EPC2: variants seen among roughly 807,000 people sequenced by gnomAD.
EPC2 encodes the protein enhancer of polycomb homolog 2.
A neutral mutation model predicts 92.1 loss-of-function variants in EPC2; 14 were observed. The ratio of observed to expected loss-of-function variants is 0.15; its 90% CI spans 0.10 to 0.24. The LOEUF is 0.24. EPC2 is among the 10% of genes least tolerant of loss of function. EPC2 has a pLI of 1.00. For synonymous variants in EPC2, 340 were observed against 334.7 expected (o/e 1.02, Z -0.17); for missense variants, 755 against 971.5 (o/e 0.78, Z 2.96).
At chr2:148,778,346 C>G (rs989958867) in intron 10 of EPC2, among the ~76,000 whole-genome samples, 1 of 152,180 alleles carries the variant, frequency 6.6e-6, no homozygotes, top group African/African-American at 2.4e-5. Flanking sequence ...GGGTCTCTAT[C>G]TTGTATCTCA....
chr2:148,694,083 GAAATT>G (rs1272927251), intron 2 of EPC2, among the ~76,000 whole-genome samples: 1 of 152,174 alleles, frequency 6.6e-6, no homozygotes, highest in African/African-American at 2.4e-5. Context: ...AAGAATTAAT[GAAATT>G]AAAAGCATAT....
intron 2 of EPC2, among the ~76,000 whole-genome samples, chr2:148,736,906 C>T (rs1682768698): frequency 1.3e-5 from 2 of 151,544 alleles, no homozygotes; most frequent in African/African-American, 4.9e-5. Context: ...TCAAAAGCAG[C>T]CTGGGGAACA....
intron 1 of EPC2, among the ~76,000 whole-genome samples, chr2:148,673,908 A>G (rs943497742): frequency 3.3e-5 from 5 of 152,216 alleles, no homozygotes; most frequent in Non-Finnish European, 7.4e-5. Flanking sequence ...TTACTTGTCT[A>G]TCATTGTTCT....
chr2:148,661,337 T>A (rs1413449925), intron 1 of EPC2, among the ~76,000 whole-genome samples: 1 of 152,170 alleles, frequency 6.6e-6, no homozygotes, highest in Non-Finnish European at 1.5e-5. Context: ...TTATACCTTA[T>A]AACTTGTTAA....
rs187853394 is a variant in EPC2, at chr2:148,749,649, T to A, written c.460-4278T>A. ...GGGAGAGGGTGCCTCTTGTATTTTT[T>A]AATTTAGTATGTAGCATGTTGAAAT... is the stretch of plus-strand genomic sequence containing the variant. On this transcript the variant is annotated intron_variant, in intron 3 of 13. Transcript: ENST00000258484. Among the ~76,000 whole-genome samples, 731 of 152,204 alleles carry A rather than the reference T, an allele frequency of 4.8e-3. 11 individuals are homozygous for A. Among genetic ancestry groups the A allele is most frequent in the Admixed American group, 4.0e-3 (61 of 15,274 alleles).
chr2:148,776,856 C>CTCTCTCT (rs1247135854), intron 10 of EPC2, among the ~76,000 whole-genome samples: 1 of 101,042 alleles, frequency 9.9e-6, no homozygotes, highest in African/African-American at 3.7e-5. Context: ...GTCTCTCTCT[C>CTCTCTCT]TTTTTTTTTT....
chr2:148,666,055 T>C (rs1456724508), intron 1 of EPC2, among the ~76,000 whole-genome samples: 4 of 152,224 alleles, frequency 2.6e-5, no homozygotes, highest in Admixed American at 2.6e-4. Context: ...ATTTAGAATA[T>C]TAGTGAATTG....
In EPC2 at chr2:148,764,958, C is replaced by A; in HGVS notation, c.952C>A (p.Pro318Thr). 1 of 1,536,016 alleles carries A rather than the reference C, an allele frequency of 6.5e-7. No individual in the cohort carries two copies. Among genetic ancestry groups the A allele is most frequent in the Non-Finnish European group, 8.8e-7 (1 of 1,142,192 alleles). ...GGAAAAATCGTCATGTAAACAGCAC[C>A]CTCATCATTTGTCTTTGAAAGAAGA... ...HKVQECKTKH[P>T]HHLSLKEEAS... Residue 318 changes from proline (P) to threonine (T), a missense_variant, in exon 7 of 14, where the codon CCT becomes ACT. Physicochemically the swap from Pro to Thr is conservative, Grantham distance 38. This residue lies in a region of EPC2 where 509 missense variants were observed against 607.7 expected (regional missense o/e 0.84). Transcript: ENST00000258484.
At chr2:148,667,695 G>C (rs1246590921) in intron 1 of EPC2, among the ~76,000 whole-genome samples, 1 of 152,112 alleles carries the variant, frequency 6.6e-6, no homozygotes, top group Non-Finnish European at 1.5e-5. Context: ...ATATTGAATA[G>C]AACAGTTGAG....
intron 2 of EPC2, among the ~76,000 whole-genome samples, chr2:148,738,123 A>AAC (rs1682803912): frequency 6.6e-6 from 1 of 151,890 alleles, no homozygotes; most frequent in Non-Finnish European, 1.5e-5. Flanking sequence ...ATGCCATTTG[A>AAC]AACAACAACA....
intron 2 of EPC2, among the ~76,000 whole-genome samples, chr2:148,714,459 C>A (rs1682216994): frequency 6.6e-6 from 1 of 152,184 alleles, no homozygotes. Context: ...AATGGTATTT[C>A]TGCCTCTAGG....
chr2:148,711,798 A>G (rs562873776), intron 2 of EPC2, among the ~76,000 whole-genome samples: 1 of 152,294 alleles, frequency 6.6e-6, no homozygotes, highest in South Asian at 2.1e-4. Context: ...GGATTGTTAT[A>G]TCTTCTTGGA....
intron 2 of EPC2, among the ~76,000 whole-genome samples, chr2:148,710,241 T>A (rs1243009696): frequency 1.3e-5 from 2 of 152,148 alleles, no homozygotes; most frequent in African/African-American, 4.8e-5. Context: ...AACAGACACA[T>A]GAGAAAATGC....
At chr2:148,646,690 T>C (rs1317870012) in intron 1 of EPC2, among the ~76,000 whole-genome samples, 1 of 152,076 alleles carries the variant, frequency 6.6e-6, no homozygotes, top group Non-Finnish European at 1.5e-5. Context: ...GTTAATTACA[T>C]TGAACCCTAA....
At chr2:148,767,651 TAAGAG>T (rs1415616184) in intron 7 of EPC2, among the ~76,000 whole-genome samples, 1 of 152,196 alleles carries the variant, frequency 6.6e-6, no homozygotes, top group Non-Finnish European at 1.5e-5. Context: ...TAGGGAGCCT[TAAGAG>T]AACAAACATT....
chr2:148,770,814 A>G lies in EPC2; in HGVS notation c.1253A>G (p.His418Arg). ...CAGCCTCGTTTGGACCAAGCTAACC[A>G]TTCATGTGAAAATTCAGAATTGGCA... Reference protein sequence around the residue: ...YYAPRLDQANHSCENSELADL... With the variant: ...YYAPRLDQANRSCENSELADL... The change falls in exon 9 of 14, where the codon CAT becomes CGT. Residue 418 changes from histidine to arginine, a missense_variant. His to Arg is a conservative substitution (Grantham distance 29, BLOSUM62 0). Transcript: ENST00000258484. 6.2e-7 allele frequency: 1 copy of G among 1,613,034 alleles called. No homozygotes were observed.
chr2:148,735,809 G>T (rs1326614595), intron 2 of EPC2, among the ~76,000 whole-genome samples: 4 of 150,710 alleles, frequency 2.7e-5, no homozygotes, highest in Non-Finnish European at 5.9e-5. Flanking sequence ...TTTAATCAGT[G>T]TGCATATTTC....
intron 6 of EPC2, among the ~76,000 whole-genome samples, chr2:148,764,292 A>G (rs34640613): frequency 0.14 from 21,316 of 152,084 alleles, 2,426 homozygotes; most frequent in East Asian, 0.45. Context: ...TTTTTATTAA[A>G]AGGAATGCCA....
intron 7 of EPC2, 50 bp downstream of exon 7, chr2:148,765,196 T>G (rs764260896): frequency 4.7e-5 from 62 of 1,308,416 alleles, no homozygotes; most frequent in Non-Finnish European, 6.0e-5. Flanking sequence ...TATTTTATAT[T>G]GCTATATTTT....
Sources: allele counts gnomAD v4.1 joint callset (sites outside exome capture counted in the v4.1 genomes callset), GRCh38; gene constraint gnomAD v4.1.1; regional missense constraint gnomAD v4.1.1; transcripts MANE v1.5; gene names NCBI Gene and HGNC (gene_info 2026-07-23, HGNC 2026-07-21).